The following CFAP43 variants were observed in gnomAD, a reference collection of about 807,000 sequenced individuals.
CFAP43 encodes the protein cilia- and flagella-associated protein 43.
In CFAP43, 155 loss-of-function variants were observed where a neutral mutation model predicts 218.9. That is an observed-to-expected ratio of 0.71 (90% CI 0.62 to 0.81). CFAP43 has a LOEUF of 0.81. Ranked by LOEUF, CFAP43 falls within the 30% of genes least tolerant of loss-of-function variation. The probability of loss-of-function intolerance (pLI) is 0.00; values close to 1 mark genes in which losing one functional copy is unlikely to be tolerated. For missense variants in CFAP43, 1,778 were observed against 1,954.3 expected (o/e 0.91, Z 1.70); for synonymous variants, 645 against 681.3 (o/e 0.95, Z 0.83).
At chr10:104,212,887 T>C (rs1016291406) in intron 4 of CFAP43, among the ~76,000 whole-genome samples, 4 of 152,336 alleles carry the variant, frequency 2.6e-5, no homozygotes, top group African/African-American at 9.6e-5. Context: ...TACTCAAATG[T>C]AAGGCTGAAG....
chr10:104,219,215 C>G (rs944573140), intron 3 of CFAP43, among the ~76,000 whole-genome samples: 2 of 151,700 alleles, frequency 1.3e-5, no homozygotes, highest in South Asian at 2.1e-4. Flanking sequence ...CTGGATATAA[C>G]CCTAGACCCA....
intron 34 of CFAP43, among the ~76,000 whole-genome samples, chr10:104,136,854 A>C: frequency 6.6e-6 from 1 of 152,222 alleles, no homozygotes; most frequent in East Asian, 1.9e-4. Context: ...ATGGTCAACA[A>C]GCATATGAAA....
chr10:104,200,085 A>G (rs2090488008), intron 8 of CFAP43, among the ~76,000 whole-genome samples: 1 of 152,240 alleles, frequency 6.6e-6, no homozygotes, highest in African/African-American at 2.4e-5. Flanking sequence ...TAGATTAAGT[A>G]AATTTACTGA....
chr10:104,138,334 G>A (rs2087544014), intron 34 of CFAP43, among the ~76,000 whole-genome samples: 1 of 152,130 alleles, frequency 6.6e-6, no homozygotes, highest in Non-Finnish European at 1.5e-5. Context: ...AACTGTCAAG[G>A]TCATCAAAAA....
intron 27 of CFAP43, among the ~76,000 whole-genome samples, chr10:104,154,606 T>C (rs183898002): frequency 6.6e-6 from 1 of 152,334 alleles, no homozygotes; most frequent in African/African-American, 2.4e-5. Context: ...ATATGGCAAA[T>C]GGCCACAGAC....
At position 104,187,416 on chromosome 10, in the gene CFAP43, G is replaced by A. The variant is rs150523899; in HGVS notation, c.1764C>T (p.His588=). ...AGCCCAAGACTGCAGAGGACAGAGC[G>A]TGCTCCAACTCATACAGGTACTTAT... ...IIHKYLYELE[H]ALSSAVLGFQ... Residue 588 remains histidine (H), a synonymous_variant, in exon 14 of 38, where the codon CAC becomes CAT. Transcript: ENST00000357060. 86 of 1,609,916 alleles carry A rather than the reference G, an allele frequency of 5.3e-5. No homozygotes were observed. The African/African-American group carries it at 7.0e-4, about 13-fold the overall frequency.
chr10:104,135,524 T>C (rs1410214713), intron 34 of CFAP43, among the ~76,000 whole-genome samples: 2 of 152,094 alleles, frequency 1.3e-5, no homozygotes, highest in African/African-American at 4.8e-5. Context: ...ATACATAAAT[T>C]TGGCAAAGTT....
chr10:104,198,757 T>C (rs1229848958), intron 8 of CFAP43, among the ~76,000 whole-genome samples: 3 of 151,942 alleles, frequency 2.0e-5, no homozygotes, highest in African/African-American at 7.3e-5. Flanking sequence ...TTCAAGAGAT[T>C]CTCCTGCCTC....
intron 28 of CFAP43, among the ~76,000 whole-genome samples, chr10:104,151,688 T>A (rs1160790328): frequency 6.6e-6 from 1 of 152,222 alleles, no homozygotes; most frequent in African/African-American, 2.4e-5. Flanking sequence ...GTAGGTTGTC[T>A]GTTTACTCTG....
At chr10:104,170,223 G>C (rs546690463) in intron 20 of CFAP43, among the ~76,000 whole-genome samples, 59 of 152,128 alleles carry the variant, frequency 3.9e-4, no homozygotes, top group African/African-American at 1.4e-3. Context: ...CAATATGAGG[G>C]AAACTAGCAT....
chr10:104,133,282 G>C (rs2087283630), intron 35 of CFAP43, among the ~76,000 whole-genome samples: 1 of 152,202 alleles, frequency 6.6e-6, no homozygotes. Context: ...AAAAGAGGTA[G>C]AGTGGTATGA....
intron 12 of CFAP43, among the ~76,000 whole-genome samples, chr10:104,191,789 TGG>T (rs34617952): frequency 2.7e-5 from 4 of 145,878 alleles, no homozygotes; most frequent in South Asian, 2.2e-4. Flanking sequence ...ATTGTGTGTG[TGG>T]GGGGGGGGAA....
intron 8 of CFAP43, 102 bp downstream of exon 8, chr10:104,203,570 G>A (rs2090594111): frequency 1.8e-6 from 2 of 1,135,482 alleles, no homozygotes; most frequent in Non-Finnish European, 2.4e-6. Context: ...TTGACAAGTA[G>A]AGTACCACTG....
intron 27 of CFAP43, 112 bp downstream of exon 27, chr10:104,160,925 G>T: frequency 2.8e-6 from 3 of 1,062,964 alleles, no homozygotes; most frequent in Non-Finnish European, 3.8e-6. Context: ...AATTTAAGCT[G>T]AAACACTGTC....
At position 104,161,064 on chromosome 10, in the gene CFAP43, T is replaced by TA; in HGVS notation, c.3512dup (p.Leu1171PhefsTer3). 1 of 1,611,066 alleles carries TA rather than the reference T, an allele frequency of 6.2e-7. No homozygotes were observed. Among genetic ancestry groups the TA allele is most frequent in the South Asian group, 1.1e-5 (1 of 90,980 alleles). On this transcript the variant is annotated frameshift_variant, in exon 27 of 38. Coordinates refer to ENST00000357060, the MANE Select transcript of CFAP43 (RefSeq NM_025145.7). LOFTEE classifies it high-confidence loss of function. ...TTCTATACTTATCTCTTTCTTCATT[T>TA]AACTCCTTTACTTTTTTCTCATAAT...
chr10:104,205,111 G>T (rs1443648453), intron 7 of CFAP43, among the ~76,000 whole-genome samples: 1 of 150,932 alleles, frequency 6.6e-6, no homozygotes, highest in African/African-American at 2.4e-5. Flanking sequence ...TACTCGGGAG[G>T]CTGAGGCAGG....
Position 104,145,579 on chromosome 10 carries a change from G to A in CFAP43, c.3856-15C>T. 6.5e-7 allele frequency: 1 copy of A among 1,542,386 alleles called. No individual in the cohort carries two copies. The highest frequency in any genetic ancestry group is 8.9e-7 in the Non-Finnish European group (1 of 1,123,010). On this transcript the variant is annotated splice_polypyrimidine_tract_variant and intron_variant, in intron 30 of 37. Coordinates refer to ENST00000357060, the MANE Select transcript of CFAP43 (RefSeq NM_025145.7). ...CGATCCATAACCTAAGGACAAACATGACATTTGAGGACTGCAACTTGGTTT... is the reference window on the plus strand; with the variant it reads ...CGATCCATAACCTAAGGACAAACATAACATTTGAGGACTGCAACTTGGTTT...
chr10:104,227,135 T>C (rs1422654076), intron 2 of CFAP43, among the ~76,000 whole-genome samples: 1 of 152,212 alleles, frequency 6.6e-6, no homozygotes, highest in African/African-American at 2.4e-5. Context: ...TTAACACTTC[T>C]TTAAAAGTGT....
chr10:104,189,037 A>G (rs1021938192), intron 12 of CFAP43, among the ~76,000 whole-genome samples: 1 of 152,254 alleles, frequency 6.6e-6, no homozygotes. Context: ...AAGGAAGACC[A>G]AGGACATCTA....
Sources: allele counts gnomAD v4.1 joint callset (sites outside exome capture counted in the v4.1 genomes callset), GRCh38; gene constraint gnomAD v4.1.1; transcripts MANE v1.5; gene names NCBI Gene and HGNC (gene_info 2026-07-23, HGNC 2026-07-21).